ELF2: variants seen among roughly 807,000 people sequenced by gnomAD.
ELF2 encodes the protein ETS-related transcription factor Elf-2.
A neutral mutation model predicts 54.8 loss-of-function variants in ELF2; 11 were observed. The ratio of observed to expected loss-of-function variants is 0.20; its 90% confidence interval spans 0.13 to 0.33. The LOEUF (loss-of-function observed/expected upper bound fraction) is 0.33, where lower values mean the gene tolerates loss of function less well. Among genes scored for constraint, ELF2 ranks in the 10% least tolerant of loss-of-function variants. The pLI, the probability that ELF2 is intolerant of heterozygous loss-of-function variation, is 1.00. For missense variants in ELF2, 513 were observed against 703.0 expected (o/e 0.73, Z 3.06); for synonymous variants, 203 against 245.1 (o/e 0.83, Z 1.61).
chr4:139,084,292 G>C (rs1731658848), intron 4 of ELF2: 4 of 1,599,810 alleles, frequency 2.5e-6, no homozygotes, highest in South Asian at 2.2e-5. Context: ...CACGCCGTGC[G>C]ACCGACACAC....
In ELF2 at chr4:139,073,443, A is replaced by C; in HGVS notation, c.352+11T>G. 1 of 1,567,720 alleles carries C rather than the reference A, an allele frequency of 6.4e-7. No homozygotes were observed. The highest frequency in any genetic ancestry group is 8.7e-7 in the Non-Finnish European group (1 of 1,153,792). ...TGACACGTTTAACATAAGAATGAAC[A>C]GTTTACATACCAGGACTTCTTGAAT... On this transcript the variant is annotated intron_variant, in intron 5 of 9. Coordinates refer to ENST00000686138, the MANE Select transcript of ELF2 (RefSeq NM_001331036.3).
At chr4:139,065,015 GTTA>G (rs1728479631) in intron 7 of ELF2, among the ~76,000 whole-genome samples, 1 of 152,094 alleles carries the variant, frequency 6.6e-6, no homozygotes, top group Admixed American at 6.5e-5. Context: ...ATAATCTTCA[GTTA>G]TTTTCTTTTT....
chr4:139,125,662 AG>A (rs1315522190), intron 3 of ELF2, among the ~76,000 whole-genome samples: 1 of 152,064 alleles, frequency 6.6e-6, no homozygotes, highest in African/African-American at 2.4e-5. Context: ...CACAAGGACA[AG>A]AGGTGAGAGC....
At chr4:139,092,404 TAACATAACATACATAACATAACATA>T (rs1732722577) in intron 4 of ELF2, among the ~76,000 whole-genome samples, 1 of 89,444 alleles carries the variant, frequency 1.1e-5, no homozygotes, top group African/African-American at 4.2e-5. Flanking sequence ...TAACATAACA[TAACATAACATACATAACATAACATA>T]ACATAACATA....
In ELF2 at chr4:139,108,917, C is replaced by T. The variant is rs72949621; in HGVS notation, c.238+16247G>A. 7.8e-3 allele frequency among the ~76,000 whole-genome samples: 1,191 copies of T among 152,154 alleles called. 21 individuals carry two copies. The highest frequency in any genetic ancestry group is 0.027 in the African/African-American group (1,124 of 41,502). The stretch of plus-strand genomic sequence containing the variant: ...GCCCAAATAAGTATGCTTCCTGCCC[C>T]GTGTCTAGAACTGTTAAGAGTAACT... On this transcript the variant is annotated intron_variant, in intron 4 of 9. Transcript: ENST00000686138.
In ELF2 at chr4:139,125,248, G is replaced by A; in HGVS notation, c.154C>T (p.Gln52Ter). The A allele has an allele frequency of 1.2e-6, 2 of 1,613,816 alleles. No homozygotes were observed. Among genetic ancestry groups the A allele is most frequent in the South Asian group, 1.1e-5 (1 of 91,016 alleles). Reference sequence around the variant, plus strand: ...GTCTCATCATCATAAACCAGAACCTGGGCTGCATAGCCCTGCTCTAATCTG... The same window carrying A: ...GTCTCATCATCATAAACCAGAACCTAGGCTGCATAGCCCTGCTCTAATCTG... ...SARLEQGYAAQVLVYDDETYM... is the reference protein window; with the variant it reads ...SARLEQGYAA The change falls in exon 4 of 10, where the codon CAG becomes TAG. Residue 52 changes from glutamine (Q) to a stop codon, truncating the protein, a stop_gained. Coordinates refer to ENST00000686138, the MANE Select transcript of ELF2 (RefSeq NM_001331036.3). LOFTEE classifies it high-confidence loss of function.
intron 1 of ELF2, among the ~76,000 whole-genome samples, chr4:139,145,929 G>C (rs916983228): frequency 6.6e-6 from 1 of 152,120 alleles, no homozygotes; most frequent in Admixed American, 6.6e-5. Flanking sequence ...ATACTGAATG[G>C]GAAAAAGTTG....
intron 4 of ELF2, among the ~76,000 whole-genome samples, chr4:139,081,507 T>G (rs553052017): frequency 2.6e-5 from 4 of 152,294 alleles, no homozygotes; most frequent in African/African-American, 9.6e-5. Flanking sequence ...CAACCCATTA[T>G]AGCAATCACT....
intron 3 of ELF2, among the ~76,000 whole-genome samples, chr4:139,136,045 G>C (rs1578893824): frequency 6.6e-6 from 1 of 152,100 alleles, no homozygotes; most frequent in Non-Finnish European, 1.5e-5. Context: ...CCCCTCATAA[G>C]GTTAAAACAG....
At chr4:139,096,147 T>C (rs1022388953) in intron 4 of ELF2, among the ~76,000 whole-genome samples, 1 of 152,064 alleles carries the variant, frequency 6.6e-6, no homozygotes, top group African/African-American at 2.4e-5. Context: ...TATGCGCATA[T>C]ATGAGTTTGA....
At chr4:139,157,659 C>T (rs1740683084) in intron 1 of ELF2, among the ~76,000 whole-genome samples, 1 of 152,186 alleles carries the variant, frequency 6.6e-6, no homozygotes, top group African/African-American at 2.4e-5. Context: ...CCATCTCAGC[C>T]TCCCAAAGTG....
intron 6 of ELF2, among the ~76,000 whole-genome samples, chr4:139,071,516 T>C (rs947326988): frequency 1.3e-5 from 2 of 151,870 alleles, no homozygotes; most frequent in East Asian, 1.9e-4. Context: ...GTTGTGCGTG[T>C]GTGTGTGTGT....
chr4:139,139,470 TA>T lies in ELF2; in HGVS notation c.-225del. 8.1e-7 allele frequency: 1 copy of T among 1,229,774 alleles called. No homozygotes were observed. Among genetic ancestry groups the T allele is most frequent in the Non-Finnish European group, 1.0e-6 (1 of 986,954 alleles). 76.2% of individuals were successfully genotyped at this position (1,229,774 alleles called of 1,614,324 possible). On this transcript the variant is annotated 5_prime_UTR_variant, in exon 2 of 10. Coordinates refer to ENST00000686138, the MANE Select transcript of ELF2 (RefSeq NM_001331036.3). ...ACTATTTTCACAACTTGGGAAGAGCTAAAATCTGAACCAGTAGTTCTTTGGA... is the reference window on the plus strand; with the variant it reads ...ACTATTTTCACAACTTGGGAAGAGCTAAATCTGAACCAGTAGTTCTTTGGA...
intron 4 of ELF2, among the ~76,000 whole-genome samples, chr4:139,124,072 C>A (rs1400527234): frequency 6.6e-6 from 1 of 152,132 alleles, no homozygotes; most frequent in African/African-American, 2.4e-5. Context: ...GAAATGGGGT[C>A]TTGCTATGTT....
At chr4:139,137,908 C>A in intron 2 of ELF2, 41 bp from the exon 3 acceptor site, 7 of 1,245,938 alleles carry the variant, frequency 5.6e-6, no homozygotes, top group Non-Finnish European at 2.1e-6. Flanking sequence ...TTAAAAATTA[C>A]AGGAAGGACA....
intron 2 of ELF2, among the ~76,000 whole-genome samples, chr4:139,138,074 T>G (rs1376203140): frequency 1.3e-5 from 2 of 152,188 alleles, no homozygotes. Context: ...ATTAAGTTCT[T>G]AACAAGCAAT....
chr4:139,173,882 G>A (rs1457226415), intron 1 of ELF2, among the ~76,000 whole-genome samples: 1 of 151,716 alleles, frequency 6.6e-6, no homozygotes, highest in African/African-American at 2.4e-5. Context: ...AAGCCCAGGA[G>A]TTCAAGACTA....
chr4:139,101,544 C>A (rs1487911846), intron 4 of ELF2: 2 of 152,144 alleles, frequency 1.3e-5, no homozygotes, highest in African/African-American at 4.8e-5. Context: ...TATGGGGATT[C>A]TTTTTGTAAA....
intron 1 of ELF2, among the ~76,000 whole-genome samples, chr4:139,146,015 G>A (rs1739187662): frequency 6.6e-6 from 1 of 152,180 alleles, no homozygotes; most frequent in South Asian, 2.1e-4. Flanking sequence ...AGTACTTTAA[G>A]TCCTGGCCAG....
Sources: allele counts gnomAD v4.1 joint callset (sites outside exome capture counted in the v4.1 genomes callset), GRCh38; gene constraint gnomAD v4.1.1; transcripts MANE v1.5; gene names NCBI Gene and HGNC (gene_info 2026-07-23, HGNC 2026-07-21).